ERBB4: variants seen among roughly 807,000 people sequenced by gnomAD.
ERBB4 encodes receptor tyrosine-protein kinase erbB-4.
In ERBB4, 42 loss-of-function variants were observed where a neutral mutation model predicts 158.0. The ratio of observed to expected loss-of-function variants is 0.27; its 90% CI spans 0.21 to 0.34. The LOEUF (loss-of-function observed/expected upper bound fraction) is 0.34. Among genes scored for constraint, ERBB4 ranks in the 10% least tolerant of loss-of-function variants. The pLI is 1.00. For synonymous variants in ERBB4, 583 were observed against 558.7 expected, an observed-to-expected ratio of 1.04 and a Z score of -0.61; for missense variants, 1,333 against 1,624.1, an observed-to-expected ratio of 0.82 and a Z score of 3.08.
chr2:212,511,956 G>A (rs1398136459), intron 1 of ERBB4, among the ~76,000 whole-genome samples: 2 of 152,134 alleles, frequency 1.3e-5, no homozygotes, highest in African/African-American at 4.8e-5. Flanking sequence ...TAGCTAAAAT[G>A]GGTAGTGCTT....
At chr2:211,696,722 T>G (rs979557410) in intron 12 of ERBB4, among the ~76,000 whole-genome samples, 1 of 152,202 alleles carries the variant, frequency 6.6e-6, no homozygotes, top group Non-Finnish European at 1.5e-5. Context: ...CAGGCTGGAG[T>G]ACAGTGGCGT....
At chr2:212,148,496 A>G (rs2080757783) in intron 1 of ERBB4, among the ~76,000 whole-genome samples, 1 of 152,166 alleles carries the variant, frequency 6.6e-6, no homozygotes, top group Non-Finnish European at 1.5e-5. Flanking sequence ...TAAGTAATAC[A>G]AAGCCCTAGG....
At chr2:211,931,305 T>C (rs2080168168) in intron 3 of ERBB4, among the ~76,000 whole-genome samples, 1 of 152,150 alleles carries the variant, frequency 6.6e-6, no homozygotes, top group Admixed American at 6.6e-5. Context: ...AAACACATTT[T>C]GTTACTATTA....
intron 1 of ERBB4, among the ~76,000 whole-genome samples, chr2:212,456,395 T>C (rs1560375774): frequency 2.6e-5 from 4 of 152,010 alleles, no homozygotes; most frequent in Admixed American, 6.6e-5. Flanking sequence ...CCAAATCTGA[T>C]GGGATAAATA....
At chr2:211,445,037 T>C (rs2064077087) in intron 20 of ERBB4, among the ~76,000 whole-genome samples, 1 of 152,094 alleles carries the variant, frequency 6.6e-6, no homozygotes, top group African/African-American at 2.4e-5. Flanking sequence ...TAAAAGGTAA[T>C]GGTATATTTA....
rs1364544161 is a variant in ERBB4 at position 211,522,756 on chromosome 2, CTT to C, written c.2487+39145_2487+39146del. Among the ~76,000 whole-genome samples the C allele has an allele frequency of 2.0e-5, 3 of 152,166 alleles. No individual in the cohort carries two copies. In the East Asian group the frequency reaches 5.8e-4, roughly 29 times the overall value. The stretch of plus-strand genomic sequence containing the variant: ...CACTAAAGGCTTAGACGATCATTCT[CTT>C]TTTTTAGCAATAAAGTATTTTTTAA... On this transcript the variant is annotated intron_variant, in intron 20 of 27. Coordinates refer to ENST00000342788, the MANE Select transcript of ERBB4 (RefSeq NM_005235.3).
At chr2:212,123,139 C>A (rs1214420365) in intron 2 of ERBB4, among the ~76,000 whole-genome samples, 2 of 152,188 alleles carry the variant, frequency 1.3e-5, no homozygotes, top group African/African-American at 4.8e-5. Flanking sequence ...CGGTGGCTCA[C>A]GCCTGTAATC....
chr2:212,241,468 T>C (rs1168245220), intron 1 of ERBB4, among the ~76,000 whole-genome samples: 2 of 152,118 alleles, frequency 1.3e-5, no homozygotes, highest in Non-Finnish European at 2.9e-5. Context: ...AAGAAACATT[T>C]AACACAGGTA....
intron 1 of ERBB4, among the ~76,000 whole-genome samples, chr2:212,532,337 G>T (rs1692798069): frequency 6.6e-6 from 1 of 152,214 alleles, no homozygotes; most frequent in Admixed American, 6.5e-5. Flanking sequence ...AACGGCAGGG[G>T]CCTCAAAGCT....
chr2:211,670,855 A>G (rs972220971), intron 14 of ERBB4, among the ~76,000 whole-genome samples: 2 of 152,190 alleles, frequency 1.3e-5, no homozygotes, highest in East Asian at 1.9e-4. Flanking sequence ...GACTTGATTC[A>G]TAGGTAAAGT....
At chr2:211,707,686 C>T (rs967363682) in intron 9 of ERBB4, among the ~76,000 whole-genome samples, 3 of 152,092 alleles carry the variant, frequency 2.0e-5, no homozygotes, top group Admixed American at 1.3e-4. Context: ...GTTTTCCTAA[C>T]GATAACCCTA....
chr2:211,606,662 C>T (rs1412371295), intron 19 of ERBB4, among the ~76,000 whole-genome samples: 1 of 151,940 alleles, frequency 6.6e-6, no homozygotes, highest in Non-Finnish European at 1.5e-5. Context: ...CCCATAAACC[C>T]AGTAAAATAA....
chr2:212,119,681 G>C (rs1040159200), intron 2 of ERBB4, among the ~76,000 whole-genome samples: 18 of 152,098 alleles, frequency 1.2e-4, no homozygotes, highest in Admixed American at 3.9e-4. Flanking sequence ...CTTGGTAGTT[G>C]AATGTTAAAC....
chr2:212,387,906 C>T (rs975270834), intron 1 of ERBB4, among the ~76,000 whole-genome samples: 1 of 152,012 alleles, frequency 6.6e-6, no homozygotes, highest in Admixed American at 6.6e-5. Context: ...ATATTCAGAG[C>T]ATTGTATAAT....
intron 1 of ERBB4, among the ~76,000 whole-genome samples, chr2:212,484,741 C>T (rs1689887726): frequency 6.6e-6 from 1 of 152,184 alleles, no homozygotes; most frequent in Non-Finnish European, 1.5e-5. Flanking sequence ...TCTCTGTCTC[C>T]TTCCTACTCA....
intron 20 of ERBB4, among the ~76,000 whole-genome samples, chr2:211,544,350 T>C (rs2066887928): frequency 6.6e-6 from 1 of 152,054 alleles, no homozygotes; most frequent in Admixed American, 6.6e-5. Flanking sequence ...TTTTTTCCAA[T>C]CATTTAATTA....
intron 2 of ERBB4, among the ~76,000 whole-genome samples, chr2:212,001,342 G>T (rs2076098355): frequency 6.6e-6 from 1 of 152,110 alleles, no homozygotes; most frequent in East Asian, 1.9e-4. Context: ...TGTGTCCTTA[G>T]ATTACTATAT....
At chr2:211,523,914 T>G (rs1034841801) in intron 20 of ERBB4, among the ~76,000 whole-genome samples, 4 of 152,086 alleles carry the variant, frequency 2.6e-5, no homozygotes, top group African/African-American at 9.7e-5. Context: ...CTGATTGGTG[T>G]GTTTACAATC....
chr2:211,479,728 G>T (rs1157015307), intron 20 of ERBB4, among the ~76,000 whole-genome samples: 2 of 152,054 alleles, frequency 1.3e-5, no homozygotes, highest in Non-Finnish European at 2.9e-5. Context: ...ATGAATCTGG[G>T]ACTACTGCTG....
Sources: allele counts gnomAD v4.1 joint callset (sites outside exome capture counted in the v4.1 genomes callset), GRCh38; gene constraint gnomAD v4.1.1; transcripts MANE v1.5; gene names NCBI Gene and HGNC (gene_info 2026-07-23, HGNC 2026-07-21).